The following KCNIP4 variants were observed in gnomAD, a reference collection of about 807,000 sequenced individuals.
KCNIP4 encodes Kv channel-interacting protein 4.
A neutral mutation model predicts 34.0 loss-of-function variants in KCNIP4; 12 were observed. The ratio of observed to expected loss-of-function variants is 0.35; its 90% CI spans 0.23 to 0.57. The LOEUF (loss-of-function observed/expected upper bound fraction) is 0.57, where lower values mean the gene tolerates loss of function less well. Ranked by LOEUF, KCNIP4 falls within the 20% of genes least tolerant of loss-of-function variation. The pLI, the probability that KCNIP4 is intolerant of heterozygous loss-of-function variation, is 0.83. For synonymous variants in KCNIP4, 124 were observed against 102.2 expected, an observed-to-expected ratio of 1.21 and a Z score of -1.29; for missense variants, 238 against 311.7, an observed-to-expected ratio of 0.76 and a Z score of 1.78.
intron 1 of KCNIP4, among the ~76,000 whole-genome samples, chr4:21,270,917 C>G (rs1033139402): frequency 3.5e-5 from 5 of 142,506 alleles, no homozygotes; most frequent in African/African-American, 1.3e-4. Flanking sequence ...ACCTGGGAAG[C>G]AGAAGTAGCA....
chr4:21,020,784 G>T lies in KCNIP4; in HGVS notation c.62-138075C>A, dbSNP rs370255019. On this transcript the variant is annotated intron_variant, in intron 1 of 8. Transcript: ENST00000382152. ...TATGCAAAGATTGAGTGAATGAATA[G>T]AGACAATTTTAAAGAAATGAATAAA... Among the ~76,000 whole-genome samples the T allele has an allele frequency of 1.9e-3, 290 of 152,232 alleles. 7 individuals are homozygous for T. The South Asian group carries it at 0.053, about 28-fold the overall frequency.
chr4:21,554,864 C>G (rs972376052), intron 1 of KCNIP4, among the ~76,000 whole-genome samples: 1 of 152,130 alleles, frequency 6.6e-6, no homozygotes, highest in African/African-American at 2.4e-5. Context: ...TTACCAGAAA[C>G]TAGCACACTG....
At chr4:21,751,547 A>G (rs981720592) in intron 1 of KCNIP4, among the ~76,000 whole-genome samples, 3 of 152,162 alleles carry the variant, frequency 2.0e-5, no homozygotes, top group African/African-American at 7.2e-5. Flanking sequence ...ACAATTGTTG[A>G]AGCTAGGTAA....
chr4:20,837,127 C>T (rs1719142149), intron 3 of KCNIP4, among the ~76,000 whole-genome samples: 1 of 152,098 alleles, frequency 6.6e-6, no homozygotes, highest in African/African-American at 2.4e-5. Context: ...AGTTTTGACC[C>T]AATCTTCTAA....
intron 1 of KCNIP4, among the ~76,000 whole-genome samples, chr4:21,025,799 C>A (rs1195063900): frequency 6.6e-6 from 1 of 152,028 alleles, no homozygotes; most frequent in Non-Finnish European, 1.5e-5. Flanking sequence ...GGCTATCTGC[C>A]TGCCTTGGCC....
At chr4:20,942,976 C>T (rs1372171869) in intron 1 of KCNIP4, among the ~76,000 whole-genome samples, 1 of 152,102 alleles carries the variant, frequency 6.6e-6, no homozygotes, top group East Asian at 1.9e-4. Flanking sequence ...CCAGCCTCTG[C>T]TATTTCATTC....
At chr4:21,522,601 G>A (rs956911315) in intron 1 of KCNIP4, among the ~76,000 whole-genome samples, 2 of 152,070 alleles carry the variant, frequency 1.3e-5, no homozygotes, top group Admixed American at 6.5e-5. Flanking sequence ...AATGCAAACT[G>A]CTCCTCAAAT....
intron 1 of KCNIP4, among the ~76,000 whole-genome samples, chr4:21,086,762 C>T (rs1042653629): frequency 2.4e-4 from 36 of 152,056 alleles, no homozygotes; most frequent in Admixed American, 1.4e-3. Flanking sequence ...GCTCTTTTTT[C>T]GATTCCTTCA....
At chr4:21,821,953 G>A (rs1722378596) in intron 1 of KCNIP4, among the ~76,000 whole-genome samples, 1 of 152,074 alleles carries the variant, frequency 6.6e-6, no homozygotes, top group Non-Finnish European at 1.5e-5. Flanking sequence ...CATAGGAGAA[G>A]CATGTTTGAC....
intron 1 of KCNIP4, among the ~76,000 whole-genome samples, chr4:21,247,994 C>T (rs1760416197): frequency 1.8e-5 from 2 of 109,492 alleles, no homozygotes; most frequent in Non-Finnish European, 3.4e-5. Context: ...CACACACACA[C>T]ACACACACAC....
At chr4:20,764,478 C>A (rs1334393746) in intron 3 of KCNIP4, among the ~76,000 whole-genome samples, 1 of 152,112 alleles carries the variant, frequency 6.6e-6, no homozygotes, top group Non-Finnish European at 1.5e-5. Context: ...ATGCATCCTT[C>A]TGTGACTGCA....
At chr4:21,215,844 T>C (rs1757537603) in intron 1 of KCNIP4, among the ~76,000 whole-genome samples, 1 of 152,180 alleles carries the variant, frequency 6.6e-6, no homozygotes, top group Non-Finnish European at 1.5e-5. Flanking sequence ...TGAGACAGGG[T>C]CTTGCTTTGT....
At chr4:21,311,451 G>T (rs1244450672) in intron 1 of KCNIP4, among the ~76,000 whole-genome samples, 2 of 152,124 alleles carry the variant, frequency 1.3e-5, no homozygotes, top group Non-Finnish European at 2.9e-5. Context: ...AGCACTTTGG[G>T]AGGCCTAGGT....
intron 4 of KCNIP4, among the ~76,000 whole-genome samples, chr4:20,758,582 C>T (rs1322333063): frequency 6.6e-6 from 1 of 152,126 alleles, no homozygotes; most frequent in Non-Finnish European, 1.5e-5. Flanking sequence ...TTGAGAGCCA[C>T]AGTACTGGGC....
chr4:21,671,249 G>T (rs759007089), intron 1 of KCNIP4, among the ~76,000 whole-genome samples: 2 of 152,120 alleles, frequency 1.3e-5, no homozygotes, highest in African/African-American at 2.4e-5. Flanking sequence ...AACAAGAATG[G>T]CTGGCTATGA....
chr4:21,532,935 G>T (rs1409550672), intron 1 of KCNIP4, among the ~76,000 whole-genome samples: 1 of 137,382 alleles, frequency 7.3e-6, no homozygotes, highest in African/African-American at 2.9e-5. Context: ...TCTCAAGGTT[G>T]TTAGATTTCC....
At chr4:20,804,122 A>G (rs1050854784) in intron 3 of KCNIP4, among the ~76,000 whole-genome samples, 1 of 152,214 alleles carries the variant, frequency 6.6e-6, no homozygotes, top group African/African-American at 2.4e-5. Context: ...GTGAGCAAAC[A>G]TGATGTTCCC....
At chr4:21,590,420 G>A (rs1742104159) in intron 1 of KCNIP4, among the ~76,000 whole-genome samples, 1 of 151,920 alleles carries the variant, frequency 6.6e-6, no homozygotes, top group Non-Finnish European at 1.5e-5. Flanking sequence ...TCTCAAGACT[G>A]TGACACAAGA....
At chr4:21,664,022 G>T (rs770914408) in intron 1 of KCNIP4, among the ~76,000 whole-genome samples, 7 of 152,192 alleles carry the variant, frequency 4.6e-5, no homozygotes, top group Non-Finnish European at 7.4e-5. Context: ...TTGGCTCACT[G>T]CAACCTCTGC....
Sources: gnomAD v4.1 joint callset for allele counts (sites outside exome capture counted in the v4.1 genomes callset) on GRCh38, gnomAD v4.1.1 for gene constraint, MANE v1.5 for transcripts, NCBI Gene and HGNC (gene_info 2026-07-23, HGNC 2026-07-21) for gene names.